VSTM2L: variants seen among roughly 807,000 people sequenced by gnomAD.
VSTM2L encodes the protein V-set and transmembrane domain-containing protein 2-like protein.
VSTM2L carries 9 observed loss-of-function variants against 19.9 expected under a neutral mutation model. The ratio of observed to expected loss-of-function variants is 0.45; its 90% CI spans 0.27 to 0.79. The LOEUF (loss-of-function observed/expected upper bound fraction) is 0.79. Among genes scored for constraint, VSTM2L ranks in the 30% least tolerant of loss-of-function variants. VSTM2L has a pLI of 0.15. For missense variants in VSTM2L, 286 were observed against 295.5 expected (o/e 0.97, Z 0.24); for synonymous variants, 127 against 133.8 (o/e 0.95, Z 0.35).
Position 37,945,207 on chromosome 20 carries a change from G to A in VSTM2L, c.*954G>A. On this transcript the variant is annotated 3_prime_UTR_variant, in exon 4 of 4. Coordinates refer to ENST00000373461, the MANE Select transcript of VSTM2L (RefSeq NM_080607.3). ...ATTGGACCCAATTCTCCTCGGAATT[G>A]GCTGGCACCTCTGGCTGCCGCAGCT... 1.0e-6 allele frequency: 1 copy of A among 985,516 alleles called. No homozygotes were observed. Among genetic ancestry groups the A allele is most frequent in the Non-Finnish European group, 1.2e-6 (1 of 830,002 alleles). 61.0% of individuals were successfully genotyped at this position (985,516 alleles called of 1,614,324 possible).
rs370010748 is a variant in VSTM2L at position 37,931,731 on chromosome 20, C to T, written c.218C>T (p.Ser73Leu). The T allele has an allele frequency of 1.5e-5, 24 of 1,613,864 alleles. No homozygotes were observed. Among genetic ancestry groups the T allele is most frequent in the African/African-American group, 2.7e-5 (2 of 75,078 alleles). ...CGCGGCAGCGGCTCCCCCTCCTACTCGCTGGAGATCCAGTGGTGGTATGTA... is the reference window on the plus strand; with the variant it reads ...CGCGGCAGCGGCTCCCCCTCCTACTTGCTGGAGATCCAGTGGTGGTATGTA... ...SFRGSGSPSY[S>L]LEIQWWYVRS... Residue 73 changes from serine to leucine, a missense_variant, in exon 2 of 4, where the codon TCG (serine) becomes TTG (leucine). Transcript: ENST00000373461.
chr20:37,928,482 G>T (rs929989839), intron 1 of VSTM2L, among the ~76,000 whole-genome samples: 2 of 152,248 alleles, frequency 1.3e-5, no homozygotes, highest in Non-Finnish European at 2.9e-5. Context: ...GGGCGTGGTG[G>T]CTTATACCTT....
At chr20:37,907,794 TTC>T (rs1351955375) in intron 1 of VSTM2L, among the ~76,000 whole-genome samples, 1 of 152,140 alleles carries the variant, frequency 6.6e-6, no homozygotes, top group Non-Finnish European at 1.5e-5. Flanking sequence ...TGTCCTGAGA[TTC>T]TCTCTGTTGC....
chr20:37,911,257 A>G lies in VSTM2L; in HGVS notation c.121+7786A>G, dbSNP rs6013419. On this transcript the variant is annotated intron_variant, in intron 1 of 3. Transcript: ENST00000373461. Reference sequence around the variant, plus strand: ...TCTCAAAAAAAAAAAAAAAAAAAAAAAAGCTGGGATGATATTAAACACAGA... The same window carrying G: ...TCTCAAAAAAAAAAAAAAAAAAAAAGAAGCTGGGATGATATTAAACACAGA... Among the ~76,000 whole-genome samples, 211 of 131,606 alleles carry G rather than the reference A, an allele frequency of 1.6e-3. 2 individuals are homozygous for G. The East Asian group carries it at 0.017, about 11-fold the overall frequency. The allele number at this position is 131,606 out of a possible 152,430, so 86.3% of individuals were successfully genotyped here.
chr20:37,944,600 C>T lies in VSTM2L; in HGVS notation c.*347C>T, dbSNP rs1018426333. ...AGTGTTTTGCTTTGCTTGCTTGTCCCCCATCCTGTCCTGAGCCGGGGCCCC... is the reference window on the plus strand; with the variant it reads ...AGTGTTTTGCTTTGCTTGCTTGTCCTCCATCCTGTCCTGAGCCGGGGCCCC... On this transcript the variant is annotated 3_prime_UTR_variant, in exon 4 of 4. Transcript: ENST00000373461. 4 of 1,074,398 alleles carry T rather than the reference C, an allele frequency of 3.7e-6. No individual in the cohort carries two copies. Among genetic ancestry groups the T allele is most frequent in the Non-Finnish European group, 4.5e-6 (4 of 888,368 alleles). The allele number at this position is 1,074,398 out of a possible 1,614,324, so 66.6% of individuals were successfully genotyped here.
intron 1 of VSTM2L, among the ~76,000 whole-genome samples, chr20:37,917,434 T>C (rs2072825312): frequency 1.3e-5 from 2 of 152,236 alleles, no homozygotes; most frequent in African/African-American, 4.8e-5. Flanking sequence ...TGTGCTTGTG[T>C]CTAAGGCTCA....
intron 1 of VSTM2L, among the ~76,000 whole-genome samples, chr20:37,925,743 C>G (rs556378396): frequency 6.6e-6 from 1 of 152,336 alleles, no homozygotes; most frequent in East Asian, 1.9e-4. Flanking sequence ...ATCAGAGAAG[C>G]CCTGGGACCA....
chr20:37,936,882 A>G (rs1225768922), intron 3 of VSTM2L, among the ~76,000 whole-genome samples: 1 of 152,066 alleles, frequency 6.6e-6, no homozygotes, highest in Non-Finnish European at 1.5e-5. Flanking sequence ...TGACTCGTAA[A>G]ACTCCTATTC....
intron 3 of VSTM2L, among the ~76,000 whole-genome samples, chr20:37,934,060 T>C (rs4811356): frequency 0.3 from 45,822 of 151,952 alleles, 7,059 homozygotes; most frequent in Admixed American, 0.33. Context: ...CATTTGTCAA[T>C]AGCCACACTC....
rs951702844 is a variant in VSTM2L, at chr20:37,944,854, G to T, written c.*601G>T. On this transcript the variant is annotated 3_prime_UTR_variant, in exon 4 of 4. Coordinates refer to ENST00000373461, the MANE Select transcript of VSTM2L (RefSeq NM_080607.3). ...CACCACCTCCTGGCGAGTCCTTCCT[G>T]TTCAGCTCCCTGTGCGACCCTCCAG... is the stretch of plus-strand genomic sequence containing the variant. 3.0e-6 allele frequency: 3 copies of T among 985,920 alleles called. No individual in the cohort carries two copies. The Admixed American group carries it at 1.8e-4, about 61-fold the overall frequency. The allele number at this position is 985,920 out of a possible 1,614,324, so 61.1% of individuals were successfully genotyped here. A position where few individuals can be genotyped will look rare whatever the true frequency, so the allele number is the denominator to read the frequency against.
In VSTM2L at chr20:37,945,209, C is replaced by T. The variant is rs2073001905; in HGVS notation, c.*956C>T. Reference sequence around the variant, plus strand: ...TGGACCCAATTCTCCTCGGAATTGGCTGGCACCTCTGGCTGCCGCAGCTCA... The same window carrying T: ...TGGACCCAATTCTCCTCGGAATTGGTTGGCACCTCTGGCTGCCGCAGCTCA... On this transcript the variant is annotated 3_prime_UTR_variant, in exon 4 of 4. Coordinates refer to ENST00000373461, the MANE Select transcript of VSTM2L (RefSeq NM_080607.3). 1.0e-6 allele frequency: 1 copy of T among 985,510 alleles called. No individual in the cohort carries two copies. The highest frequency in any genetic ancestry group is 1.7e-5 in the African/African-American group (1 of 57,362). 61.0% of individuals were successfully genotyped at this position (985,510 alleles called of 1,614,324 possible).
intron 1 of VSTM2L, among the ~76,000 whole-genome samples, chr20:37,913,867 C>T (rs2072794261): frequency 6.6e-6 from 1 of 152,166 alleles, no homozygotes; most frequent in Non-Finnish European, 1.5e-5. Context: ...AGGGGGCAGC[C>T]CTGGAAGCCT....
chr20:37,931,606 C>T (rs758541663), intron 1 of VSTM2L, 29 bp from the exon 2 acceptor site: 40 of 1,595,938 alleles, frequency 2.5e-5, no homozygotes, highest in Non-Finnish European at 3.3e-5. Context: ...TCCTGAGCCC[C>T]GCCATTCTTC....
In VSTM2L at chr20:37,913,801, G is replaced by T. The variant is rs76125368; in HGVS notation, c.121+10330G>T. On this transcript the variant is annotated intron_variant, in intron 1 of 3. Transcript: ENST00000373461. ...CCATGTGCATGTATTTAGAAAAGCA[G>T]GCTGCAGCTGGAACCTCCAAGAATC... Among the ~76,000 whole-genome samples the T allele has an allele frequency of 2.3e-3, 354 of 152,348 alleles. 2 individuals carry two copies. Among genetic ancestry groups the T allele is most frequent in the Admixed American group, 4.4e-3 (68 of 15,298 alleles).
At chr20:37,904,271 G>C (rs1034647177) in intron 1 of VSTM2L, among the ~76,000 whole-genome samples, 2 of 152,218 alleles carry the variant, frequency 1.3e-5, no homozygotes, top group African/African-American at 4.8e-5. Flanking sequence ...AATGCCGGGT[G>C]CTTTTGTCTG....
chr20:37,940,564 C>T (rs1053851971), intron 3 of VSTM2L, among the ~76,000 whole-genome samples: 8 of 152,266 alleles, frequency 5.3e-5, no homozygotes, highest in Non-Finnish European at 1.2e-4. Context: ...GCGCATGGAG[C>T]CTGTTCCCAG....
intron 3 of VSTM2L, among the ~76,000 whole-genome samples, chr20:37,941,044 C>A (rs1321166149): frequency 6.6e-6 from 1 of 152,174 alleles, no homozygotes; most frequent in Non-Finnish European, 1.5e-5. Context: ...AATTAGAAAG[C>A]AAGACATCTG....
chr20:37,936,626 TCA>T (rs1209977521), intron 3 of VSTM2L, among the ~76,000 whole-genome samples: 9 of 152,268 alleles, frequency 5.9e-5, no homozygotes, highest in Admixed American at 5.9e-4. Flanking sequence ...TTGTGAAGAT[TCA>T]GACTCTAAGA....
intron 3 of VSTM2L, among the ~76,000 whole-genome samples, chr20:37,943,126 C>A (rs954770555): frequency 2.6e-5 from 4 of 152,028 alleles, no homozygotes; most frequent in Admixed American, 2.6e-4. Flanking sequence ...CACCACCACA[C>A]CCCCGGCTAG....
Sources: allele counts gnomAD v4.1 joint callset (sites outside exome capture counted in the v4.1 genomes callset), GRCh38; gene constraint gnomAD v4.1.1; transcripts MANE v1.5; gene names NCBI Gene and HGNC (gene_info 2026-07-23, HGNC 2026-07-21).